Variants in SLC46A3 observed in about 807,000 individuals in gnomAD.
SLC46A3 encodes the protein lysosomal proton-coupled steroid conjugate and bile acid symporter SLC46A3.
Under a neutral mutation model 38.5 loss-of-function variants are expected in SLC46A3, and 26 were observed. The observed-to-expected ratio is 0.68, with a 90% CI of 0.49 to 0.94. SLC46A3 has a LOEUF of 0.94. SLC46A3 is among the 40% of genes least tolerant of loss of function. The probability of loss-of-function intolerance (pLI) is 0.00; values close to 1 mark genes in which losing one functional copy is unlikely to be tolerated. For synonymous variants in SLC46A3, 185 were observed against 192.5 expected (o/e 0.96, Z 0.32); for missense variants, 510 against 544.3 (o/e 0.94, Z 0.63).
chr13:28,710,540 C>T (rs369235403), intron 4 of SLC46A3, among the ~76,000 whole-genome samples: 9 of 152,196 alleles, frequency 5.9e-5, no homozygotes, highest in African/African-American at 1.9e-4. Flanking sequence ...GGGCGGGGCA[C>T]GGCCCAGAGC....
chr13:28,703,861 A>C, intron 5 of SLC46A3, 82 bp downstream of exon 5: 1 of 1,306,904 alleles, frequency 7.7e-7, no homozygotes, highest in Non-Finnish European at 1.1e-6. Context: ...ATTTCAACAG[A>C]CCTATGTAAT....
In SLC46A3 at chr13:28,701,309, G is replaced by A; in HGVS notation, c.*188C>T. 1 of 1,420,798 alleles carries A rather than the reference G, an allele frequency of 7.0e-7. No homozygotes were observed. 88.0% of individuals were successfully genotyped at this position (1,420,798 alleles called of 1,614,324 possible). A position where few individuals can be genotyped will look rare whatever the true frequency, so the allele number is the denominator to read the frequency against. On this transcript the variant is annotated 3_prime_UTR_variant, in exon 6 of 6. Coordinates refer to ENST00000266943, the MANE Select transcript of SLC46A3 (RefSeq NM_181785.4). ...GTATATTGCATGATACGCACAAAGTGCTCAAAGTGCGTGGTACCACAAGAA... is the reference window on the plus strand; with the variant it reads ...GTATATTGCATGATACGCACAAAGTACTCAAAGTGCGTGGTACCACAAGAA...
At chr13:28,716,235 T>C (rs920185786) in intron 2 of SLC46A3, among the ~76,000 whole-genome samples, 1 of 152,130 alleles carries the variant, frequency 6.6e-6, no homozygotes, top group Non-Finnish European at 1.5e-5. Context: ...CCAGTCAAGG[T>C]TAAAAAACAC....
At chr13:28,716,030 G>A (rs887176490) in intron 2 of SLC46A3, among the ~76,000 whole-genome samples, 1 of 150,974 alleles carries the variant, frequency 6.6e-6, no homozygotes, top group Admixed American at 6.6e-5. Flanking sequence ...GCACGTGCCT[G>A]TAGTCCCAGC....
intron 3 of SLC46A3, among the ~76,000 whole-genome samples, chr13:28,711,570 T>C (rs1258438527): frequency 6.6e-6 from 1 of 152,232 alleles, no homozygotes; most frequent in East Asian, 1.9e-4. Context: ...ATGCCTTTAT[T>C]ATATTGATTT....
Position 28,700,758 on chromosome 13 carries a change from C to T in SLC46A3, c.*739G>A. 2 of 471,406 alleles carry T rather than the reference C, an allele frequency of 4.2e-6. No homozygotes were observed. Among genetic ancestry groups the T allele is most frequent in the South Asian group, 5.1e-5 (1 of 19,742 alleles). The allele number at this position is 471,406 out of a possible 1,614,324, so 29.2% of individuals were successfully genotyped here. On this transcript the variant is annotated 3_prime_UTR_variant, in exon 6 of 6. Transcript: ENST00000266943. ...AATTTTATTTATCATCTATTTTTTC[C>T]CAATTACCCATTACATATAGAAATA...
intron 4 of SLC46A3, among the ~76,000 whole-genome samples, chr13:28,708,566 C>T (rs1885244608): frequency 6.6e-6 from 1 of 151,256 alleles, no homozygotes; most frequent in African/African-American, 2.4e-5. Context: ...TATCTTCTCC[C>T]ATTCTGTGGG....
In SLC46A3 at chr13:28,700,954, G is replaced by A. The variant is rs1164720119; in HGVS notation, c.*543C>T. On this transcript the variant is annotated 3_prime_UTR_variant, in exon 6 of 6. Coordinates refer to ENST00000266943, the MANE Select transcript of SLC46A3 (RefSeq NM_181785.4). Reference sequence around the variant, plus strand: ...CCGACTATCAATAGCAGCTTAACAGGCTCTATAAAATAAAGCATTACCAAG... The same window carrying A: ...CCGACTATCAATAGCAGCTTAACAGACTCTATAAAATAAAGCATTACCAAG... The A allele has an allele frequency of 6.6e-7, 1 of 1,521,646 alleles. No individual in the cohort carries two copies. Among genetic ancestry groups the A allele is most frequent in the Non-Finnish European group, 8.9e-7 (1 of 1,121,032 alleles). 94.3% of individuals were successfully genotyped at this position (1,521,646 alleles called of 1,614,324 possible).
chr13:28,709,900 T>C (rs1259367152), intron 4 of SLC46A3, among the ~76,000 whole-genome samples: 1 of 152,192 alleles, frequency 6.6e-6, no homozygotes, highest in African/African-American at 2.4e-5. Context: ...CTGCCAGGAC[T>C]CTGAGTCAGG....
chr13:28,716,273 A>G (rs7996940), intron 2 of SLC46A3, among the ~76,000 whole-genome samples: 29 of 152,306 alleles, frequency 1.9e-4, no homozygotes, highest in African/African-American at 7.0e-4. Context: ...GATGGGATTC[A>G]AGTATGTATA....
intron 4 of SLC46A3, among the ~76,000 whole-genome samples, chr13:28,710,117 T>C (rs985937650): frequency 1.3e-5 from 2 of 152,200 alleles, no homozygotes; most frequent in African/African-American, 4.8e-5. Context: ...TCAGACGTTT[T>C]CAGAATTCCA....
Position 28,701,045 on chromosome 13 carries a change from T to C in SLC46A3, c.*452A>G, listed in dbSNP as rs986959446. ...TTTCCTACCAATGAGTGATTCATCATAATTTTCATTATGCCTTCAAAATTA... is the reference window on the plus strand; with the variant it reads ...TTTCCTACCAATGAGTGATTCATCACAATTTTCATTATGCCTTCAAAATTA... On this transcript the variant is annotated 3_prime_UTR_variant, in exon 6 of 6. Transcript: ENST00000266943. 1 of 1,508,528 alleles carries C rather than the reference T, an allele frequency of 6.6e-7. No homozygotes were observed. Among genetic ancestry groups the C allele is most frequent in the African/African-American group, 1.4e-5 (1 of 71,386 alleles). The allele number at this position is 1,508,528 out of a possible 1,614,324, so 93.4% of individuals were successfully genotyped here. A position where few individuals can be genotyped will look rare whatever the true frequency, so the allele number is the denominator to read the frequency against.
At chr13:28,717,621 G>C in intron 2 of SLC46A3, among the ~76,000 whole-genome samples, 189 bp downstream of exon 2, 1 of 151,750 alleles carries the variant, frequency 6.6e-6, no homozygotes, top group South Asian at 2.1e-4. Context: ...AGAAGAAGAG[G>C]CAGATTTGAA....
At chr13:28,704,509 CT>C (rs2137822444) in intron 4 of SLC46A3, 1 of 156,516 alleles carries the variant, frequency 6.4e-6, no homozygotes, top group East Asian at 1.9e-4. Flanking sequence ...TCTGTGACAC[CT>C]GAAAGCACAG....
chr13:28,703,632 C>G (rs1450405402), intron 5 of SLC46A3: 1 of 160,468 alleles, frequency 6.2e-6, no homozygotes, highest in African/African-American at 2.4e-5. Context: ...AGTCTCCTGA[C>G]TAGCTGAGAC....
intron 4 of SLC46A3, among the ~76,000 whole-genome samples, chr13:28,707,074 C>T (rs111617097): frequency 0.011 from 1,620 of 152,216 alleles, 33 homozygotes; most frequent in African/African-American, 0.038. Flanking sequence ...GATTATAAAA[C>T]ATGCTGCTAT....
chr13:28,705,209 C>T (rs1885141304), intron 4 of SLC46A3, among the ~76,000 whole-genome samples: 1 of 152,178 alleles, frequency 6.6e-6, no homozygotes, highest in Admixed American at 6.5e-5. Flanking sequence ...TATGCTTGTT[C>T]CCTACTTTGC....
intron 5 of SLC46A3, 69 bp downstream of exon 5, chr13:28,703,874 A>T: frequency 7.1e-7 from 1 of 1,413,604 alleles, no homozygotes; most frequent in Non-Finnish European, 9.7e-7. Context: ...TATGTAATTT[A>T]CTGGTGAGGT....
intron 2 of SLC46A3, among the ~76,000 whole-genome samples, chr13:28,717,201 C>T (rs1028441331): frequency 6.6e-6 from 1 of 151,938 alleles, no homozygotes; most frequent in Non-Finnish European, 1.5e-5. Context: ...GTGGGTACTC[C>T]CCACTCCAGA....
Sources: allele counts gnomAD v4.1 joint callset (sites outside exome capture counted in the v4.1 genomes callset), GRCh38; gene constraint gnomAD v4.1.1; transcripts MANE v1.5; gene names NCBI Gene and HGNC (gene_info 2026-07-23, HGNC 2026-07-21).